The following NEK11 variants were observed in gnomAD, a reference collection of about 807,000 sequenced individuals.
NEK11 encodes the protein NIMA related kinase 11, also known as serine/threonine-protein kinase Nek11.
In NEK11, 72 loss-of-function variants were observed where a neutral mutation model predicts 80.7. That is an observed-to-expected ratio of 0.89 (90% CI 0.74 to 1.08). The LOEUF (loss-of-function observed/expected upper bound fraction) is 1.08. NEK11 is among the 50% of genes least tolerant of loss of function. The probability of loss-of-function intolerance (pLI) is 0.00; values close to 1 mark genes in which losing one functional copy is unlikely to be tolerated. For missense variants in NEK11, 764 were observed against 763.6 expected (o/e 1.00, Z -0.01); for synonymous variants, 251 against 260.7 (o/e 0.96, Z 0.36).
chr3:131,107,326 G>A (rs913575631), intron 4 of NEK11, among the ~76,000 whole-genome samples: 8 of 151,622 alleles, frequency 5.3e-5, no homozygotes, highest in Non-Finnish European at 7.4e-5. Flanking sequence ...GTTGACATAC[G>A]TCGTGCACAT....
intron 14 of NEK11, among the ~76,000 whole-genome samples, chr3:131,211,262 G>T (rs888559818): frequency 6.6e-6 from 1 of 152,032 alleles, no homozygotes; most frequent in Non-Finnish European, 1.5e-5. Flanking sequence ...GAAATTCTAG[G>T]TTGAACATTC....
intron 14 of NEK11, among the ~76,000 whole-genome samples, chr3:131,172,465 C>T (rs955861575): frequency 6.6e-6 from 1 of 152,214 alleles, no homozygotes; most frequent in African/African-American, 2.4e-5. Context: ...AGACAAGCAC[C>T]TGAAGCTCTT....
intron 16 of NEK11, 95 bp downstream of exon 16, chr3:131,243,591 T>TA: frequency 3.7e-6 from 4 of 1,068,708 alleles, no homozygotes; most frequent in Non-Finnish European, 5.7e-6. Context: ...AAGTCTGATA[T>TA]CTTAGTATAA....
chr3:131,195,631 T>G (rs1373584507), intron 14 of NEK11, among the ~76,000 whole-genome samples: 1 of 152,014 alleles, frequency 6.6e-6, no homozygotes, highest in Non-Finnish European at 1.5e-5. Context: ...GTGCCTGCTG[T>G]GTGCTGCACA....
chr3:131,133,210 T>C lies in NEK11; in HGVS notation c.520+401T>C, dbSNP rs537913737. ...ACAAGCAATAAGTGGTTATAGATAA[T>C]GAAAATGTTGATATAATGGCTTTAT... is the stretch of plus-strand genomic sequence containing the variant. On this transcript the variant is annotated intron_variant, in intron 6 of 17. Transcript: ENST00000383366. 135 of 453,250 alleles carry C rather than the reference T, an allele frequency of 3.0e-4. 1 individual carries two copies. Among genetic ancestry groups the C allele is most frequent in the South Asian group, 2.1e-3 (133 of 63,608 alleles). 28.1% of individuals were successfully genotyped at this position (453,250 alleles called of 1,614,324 possible). A position where few individuals can be genotyped will look rare whatever the true frequency, so the allele number is the denominator to read the frequency against.
intron 14 of NEK11, among the ~76,000 whole-genome samples, chr3:131,209,696 T>A (rs2094551063): frequency 6.6e-6 from 1 of 152,230 alleles, no homozygotes; most frequent in African/African-American, 2.4e-5. Context: ...TTCAACTTCT[T>A]CCTGGTTTAG....
intron 4 of NEK11, among the ~76,000 whole-genome samples, chr3:131,087,181 G>T (rs1452418816): frequency 6.7e-6 from 1 of 148,844 alleles, no homozygotes; most frequent in East Asian, 2.0e-4. Flanking sequence ...CTGAGATTTT[G>T]TCGTGCAGCC....
intron 14 of NEK11, among the ~76,000 whole-genome samples, chr3:131,201,435 T>C (rs1241612960): frequency 6.6e-6 from 1 of 152,132 alleles, no homozygotes; most frequent in East Asian, 1.9e-4. Flanking sequence ...TTGCACTTCT[T>C]TGGTATTGTT....
intron 3 of NEK11, among the ~76,000 whole-genome samples, chr3:131,069,898 A>G (rs1396994950): frequency 2.6e-5 from 4 of 151,754 alleles, no homozygotes; most frequent in Admixed American, 6.6e-5. Context: ...TAGTGGGTGC[A>G]GCGCACCAGC....
chr3:131,347,162 C>G (rs568559344), intron 17 of NEK11, among the ~76,000 whole-genome samples: 1 of 152,088 alleles, frequency 6.6e-6, no homozygotes, highest in Non-Finnish European at 1.5e-5. Context: ...TATTGTGGAG[C>G]CTAGGGCTGC....
At position 131,101,730 on chromosome 3, in the gene NEK11, G is replaced by A. The variant is rs192919981; in HGVS notation, c.337-8073G>A. On this transcript the variant is annotated intron_variant, in intron 4 of 17. Transcript: ENST00000383366. ...TTGTTGGATGGAGTGTTCTATAAATGTTTATTATGTCCAGTGGGTGAAGTG... is the reference window on the plus strand; with the variant it reads ...TTGTTGGATGGAGTGTTCTATAAATATTTATTATGTCCAGTGGGTGAAGTG... Among the ~76,000 whole-genome samples, 142 of 152,272 alleles carry A rather than the reference G, an allele frequency of 9.3e-4. 1 individual carries two copies. The highest frequency in any genetic ancestry group is 3.3e-3 in the African/African-American group (139 of 41,554).
intron 17 of NEK11, among the ~76,000 whole-genome samples, chr3:131,288,509 A>G (rs576160920): frequency 1.9e-4 from 27 of 141,206 alleles, no homozygotes; most frequent in Non-Finnish European, 3.9e-4. Flanking sequence ...CTGGAGTGCA[A>G]TGGGGTGATC....
chr3:131,338,127 C>A (rs534758995), intron 17 of NEK11, among the ~76,000 whole-genome samples: 1 of 151,922 alleles, frequency 6.6e-6, no homozygotes, highest in Non-Finnish European at 1.5e-5. Flanking sequence ...CCGCCATGCC[C>A]GGCTTATTTT....
chr3:131,164,304 C>T (rs1579382502), intron 11 of NEK11, among the ~76,000 whole-genome samples: 1 of 152,112 alleles, frequency 6.6e-6, no homozygotes, highest in African/African-American at 2.4e-5. Flanking sequence ...CAATATGATA[C>T]CATTTAATAT....
At chr3:131,283,313 T>C (rs898999043) in intron 17 of NEK11, among the ~76,000 whole-genome samples, 1 of 152,320 alleles carries the variant, frequency 6.6e-6, no homozygotes, top group South Asian at 2.1e-4. Context: ...TTTCATTTGG[T>C]AGCCATAAGT....
At chr3:131,097,067 T>C (rs1340456442) in intron 4 of NEK11, among the ~76,000 whole-genome samples, 2 of 151,812 alleles carry the variant, frequency 1.3e-5, no homozygotes, top group African/African-American at 4.8e-5. Flanking sequence ...CATGAACTCA[T>C]CATTTTTTAT....
chr3:131,170,917 T>C (rs1025595825), intron 14 of NEK11, 30 bp downstream of exon 14: 5 of 1,504,352 alleles, frequency 3.3e-6, no homozygotes, highest in East Asian at 2.3e-5. Context: ...TTCAGAAGGA[T>C]GCTCACAGCT....
intron 17 of NEK11, among the ~76,000 whole-genome samples, chr3:131,298,780 T>C (rs1014534033): frequency 5.3e-5 from 8 of 152,132 alleles, no homozygotes; most frequent in African/African-American, 1.9e-4. Context: ...CCTGGATCTA[T>C]GGGTTGTCGT....
intron 15 of NEK11, among the ~76,000 whole-genome samples, chr3:131,238,632 T>C (rs1166718458): frequency 6.6e-6 from 1 of 151,830 alleles, no homozygotes; most frequent in Non-Finnish European, 1.5e-5. Context: ...ACCTGGAGGA[T>C]GGAAAGGAGC....
Sources: allele counts gnomAD v4.1 joint callset (sites outside exome capture counted in the v4.1 genomes callset), GRCh38; gene constraint gnomAD v4.1.1; transcripts MANE v1.5; gene names NCBI Gene and HGNC (gene_info 2026-07-23, HGNC 2026-07-21).